ARHGEF38: variants seen among roughly 807,000 people sequenced by gnomAD.
The protein encoded by ARHGEF38 is Rho guanine nucleotide exchange factor 38.
ARHGEF38 carries 79 observed loss-of-function variants against 79.9 expected under a neutral mutation model. The observed-to-expected ratio is 0.99, with a 90% CI of 0.82 to 1.19. The LOEUF (loss-of-function observed/expected upper bound fraction) is 1.19, where lower values mean the gene tolerates loss of function less well. Ranked by LOEUF, ARHGEF38 falls within the 50% of genes most tolerant of loss-of-function variation. The pLI, the probability that ARHGEF38 is intolerant of heterozygous loss-of-function variation, is 0.00. For synonymous variants in ARHGEF38, 366 were observed against 328.3 expected (o/e 1.11, Z -1.24); for missense variants, 962 against 907.2 (o/e 1.06, Z -0.78).
At position 105,667,597 on chromosome 4, in the gene ARHGEF38, C is replaced by T. The variant is rs1204001851; in HGVS notation, c.2042C>T (p.Thr681Ile). The change falls in exon 13 of 14, where the codon ACC becomes ATC. Residue 681 changes from threonine to isoleucine, a missense_variant. Thr to Ile is a moderately conservative substitution (Grantham distance 89). Coordinates refer to ENST00000420470, the MANE Select transcript of ARHGEF38 (RefSeq NM_001242729.2). The stretch of plus-strand genomic sequence containing the variant: ...CCAGCTAGTGACAGTGTCACAGGCA[C>T]CTCAGAAAGCAGCATTGGTGATAGC... ...SRPASDSVTG[T>I]SESSIGDSSS... 5 of 1,536,552 alleles carry T rather than the reference C, an allele frequency of 3.3e-6. No homozygotes were observed. The African/African-American group carries it at 5.5e-5, about 17-fold the overall frequency.
chr4:105,606,822 A>G (rs1289968273), intron 2 of ARHGEF38, among the ~76,000 whole-genome samples: 1 of 152,126 alleles, frequency 6.6e-6, no homozygotes, highest in East Asian at 1.9e-4. Flanking sequence ...CACACAGAGA[A>G]AAATAATCTA....
chr4:105,600,159 A>G (rs1727760902), intron 2 of ARHGEF38, among the ~76,000 whole-genome samples: 1 of 152,202 alleles, frequency 6.6e-6, no homozygotes, highest in Admixed American at 6.5e-5. Context: ...AAGAAAATTT[A>G]TGTCACAGTC....
intron 11 of ARHGEF38, among the ~76,000 whole-genome samples, 195 bp downstream of exon 11, chr4:105,666,515 CA>C (rs1365391676): frequency 6.6e-6 from 1 of 152,108 alleles, no homozygotes; most frequent in African/African-American, 2.4e-5. Flanking sequence ...CTACTTTGTA[CA>C]TGGCGTATCC....
At position 105,655,675 on chromosome 4, in the gene ARHGEF38, G is replaced by A; in HGVS notation, c.1186G>A (p.Asp396Asn). 6.5e-7 allele frequency: 1 copy of A among 1,535,808 alleles called. No individual in the cohort carries two copies. Among genetic ancestry groups the A allele is most frequent in the Non-Finnish European group, 8.7e-7 (1 of 1,146,662 alleles). The change falls in exon 9 of 14, where the codon GAC becomes AAC. Residue 396 changes from aspartate to asparagine, a missense_variant. By Grantham distance (23) the Asp-to-Asn change is conservative. Transcript: ENST00000420470. ...EISYNKDDEM[D>N]YSETLSNALN... ...TTCATACAACAAAGACGATGAGATGGACTATTCTGAGACCCTAAGTAATGC... is the reference window on the plus strand; with the variant it reads ...TTCATACAACAAAGACGATGAGATGAACTATTCTGAGACCCTAAGTAATGC...
intron 3 of ARHGEF38, among the ~76,000 whole-genome samples, chr4:105,626,188 A>C (rs1218999434): frequency 6.6e-6 from 1 of 152,186 alleles, no homozygotes; most frequent in East Asian, 1.9e-4. Context: ...TCTGAAATTA[A>C]ACTCGTCATC....
chr4:105,612,192 C>A (rs1219255991), intron 2 of ARHGEF38, among the ~76,000 whole-genome samples: 2 of 149,494 alleles, frequency 1.3e-5, no homozygotes, highest in African/African-American at 2.5e-5. Flanking sequence ...TGAATAGACC[C>A]CACACACACC....
At chr4:105,621,570 C>T (rs950569741) in intron 3 of ARHGEF38, among the ~76,000 whole-genome samples, 1 of 152,126 alleles carries the variant, frequency 6.6e-6, no homozygotes, top group Admixed American at 6.6e-5. Context: ...TATAGCAGTG[C>T]TTTGTTTTCC....
chr4:105,598,909 A>T (rs1013693706), intron 2 of ARHGEF38, among the ~76,000 whole-genome samples: 2 of 152,220 alleles, frequency 1.3e-5, no homozygotes, highest in Non-Finnish European at 2.9e-5. Flanking sequence ...TAAAAGTCAC[A>T]GTGTTGCCAG....
chr4:105,564,101 T>C (rs983325238), intron 1 of ARHGEF38, among the ~76,000 whole-genome samples: 1 of 152,174 alleles, frequency 6.6e-6, no homozygotes, highest in African/African-American at 2.4e-5. Context: ...TCATTGCTTT[T>C]CATTTTTCTA....
intron 2 of ARHGEF38, among the ~76,000 whole-genome samples, chr4:105,608,691 CTTCT>C (rs1413562719): frequency 5.3e-5 from 8 of 151,672 alleles, no homozygotes; most frequent in South Asian, 2.1e-4. Flanking sequence ...CACCCTGTAT[CTTCT>C]TTCTTTTTTT....
intron 5 of ARHGEF38, among the ~76,000 whole-genome samples, chr4:105,643,432 T>G (rs1729703936): frequency 6.6e-6 from 1 of 152,194 alleles, no homozygotes; most frequent in South Asian, 2.1e-4. Flanking sequence ...TCTGGTTTTC[T>G]TTTTAAAAAA....
At chr4:105,637,829 T>C (rs969962092) in intron 5 of ARHGEF38, among the ~76,000 whole-genome samples, 1 of 152,170 alleles carries the variant, frequency 6.6e-6, no homozygotes, top group Admixed American at 6.6e-5. Context: ...AAACAGTTCA[T>C]TGTATTGAAA....
chr4:105,630,988 C>T lies in ARHGEF38; in HGVS notation c.599C>T (p.Ser200Phe). ...HHDEAHSILE[S>F]YEKEEELKEH... ...GATGAAGCACATAGTATACTGGAGT[C>T]CTATGAAAAGGAAGAAGAGCTGAAG... The change falls in exon 4 of 14, where the codon TCC becomes TTC. Residue 200 changes from serine (S) to phenylalanine (F), a missense_variant. Transcript: ENST00000420470. 1 of 1,613,660 alleles carries T rather than the reference C, an allele frequency of 6.2e-7. No homozygotes were observed. The highest frequency in any genetic ancestry group is 2.2e-5 in the East Asian group (1 of 44,822).
rs137948446 is a variant in ARHGEF38, at chr4:105,622,782, G to T, written c.509-8116G>T. On this transcript the variant is annotated intron_variant, in intron 3 of 13. Transcript: ENST00000420470. The stretch of plus-strand genomic sequence containing the variant: ...ACAATGAAGCAAAATCACCTCTTCA[G>T]AAGGCTTTTGTCATTTTGGGGGAAT... Among the ~76,000 whole-genome samples the T allele has an allele frequency of 1.4e-4, 22 of 152,270 alleles. No individual in the cohort carries two copies. The East Asian group carries it at 3.3e-3, about 23-fold the overall frequency.
intron 1 of ARHGEF38, among the ~76,000 whole-genome samples, chr4:105,589,032 A>G (rs934232355): frequency 6.6e-6 from 1 of 152,248 alleles, no homozygotes; most frequent in Non-Finnish European, 1.5e-5. Flanking sequence ...ATAATTGAGT[A>G]TCATTTAACT....
At chr4:105,604,977 C>T (rs1035285831) in intron 2 of ARHGEF38, among the ~76,000 whole-genome samples, 3 of 152,096 alleles carry the variant, frequency 2.0e-5, no homozygotes, top group African/African-American at 7.2e-5. Context: ...TTAGTCTATG[C>T]TTTCTAAACA....
At chr4:105,571,857 C>T (rs1419395840) in intron 1 of ARHGEF38, among the ~76,000 whole-genome samples, 1 of 152,038 alleles carries the variant, frequency 6.6e-6, no homozygotes, top group Non-Finnish European at 1.5e-5. Flanking sequence ...TACACATTAC[C>T]TTGGAATAAC....
intron 1 of ARHGEF38, among the ~76,000 whole-genome samples, chr4:105,562,778 T>A (rs919022384): frequency 2.0e-5 from 3 of 152,160 alleles, no homozygotes; most frequent in Non-Finnish European, 2.9e-5. Context: ...GTTTCCGACT[T>A]GCAAATTCTG....
intron 1 of ARHGEF38, among the ~76,000 whole-genome samples, chr4:105,581,206 T>G (rs180958591): frequency 6.6e-6 from 1 of 152,156 alleles, no homozygotes; most frequent in East Asian, 1.9e-4. Flanking sequence ...TCTCAATGCC[T>G]TTTCTTTGAA....
Sources: gnomAD v4.1 joint callset for allele counts (sites outside exome capture counted in the v4.1 genomes callset) on GRCh38, gnomAD v4.1.1 for gene constraint, MANE v1.5 for transcripts, NCBI Gene and HGNC (gene_info 2026-07-23, HGNC 2026-07-21) for gene names.